Variants in PSAP observed in about 807,000 individuals in gnomAD.
The protein encoded by PSAP is prosaposin.
In PSAP, 25 loss-of-function variants were observed where a neutral mutation model predicts 66.0. The observed-to-expected ratio is 0.38, with a 90% CI of 0.28 to 0.53. The LOEUF (loss-of-function observed/expected upper bound fraction) is 0.53. Among genes scored for constraint, PSAP ranks in the 20% least tolerant of loss-of-function variants. The pLI is 0.83. For synonymous variants in PSAP, 273 were observed against 258.9 expected (o/e 1.05, Z -0.52); for missense variants, 649 against 668.8 (o/e 0.97, Z 0.33).
intron 1 of PSAP, among the ~76,000 whole-genome samples, chr10:71,849,424 T>G (rs1426941379): frequency 6.6e-6 from 1 of 152,156 alleles, no homozygotes; most frequent in Non-Finnish European, 1.5e-5. Flanking sequence ...AAACTACATA[T>G]AGTTACTAAA....
chr10:71,826,796 A>G (rs1842405735), intron 6 of PSAP, among the ~76,000 whole-genome samples: 2 of 151,770 alleles, frequency 1.3e-5, no homozygotes, highest in Admixed American at 1.3e-4. Context: ...CACTCCACCC[A>G]AAAAGCCTCG....
Position 71,833,030 on chromosome 10 carries a change from AACAAAAAAC to A in PSAP, c.175-1119_175-1111del, listed in dbSNP as rs1194685264. On this transcript the variant is annotated intron_variant, in intron 2 of 13. Coordinates refer to ENST00000394936, the MANE Select transcript of PSAP (RefSeq NM_002778.4). ...AGAGTCCATCTCAAAAAAAAAAAAA[AACAAAAAAC>A]AAAAACAGAAGGCCGGGCCATGACA... Among the ~76,000 whole-genome samples, 49 of 125,832 alleles carry A rather than the reference AACAAAAAAC, an allele frequency of 3.9e-4. 2 individuals are homozygous for A. The South Asian group carries it at 4.6e-3, about 12-fold the overall frequency. The allele number at this position is 125,832 out of a possible 152,430, so 82.6% of individuals were successfully genotyped here.
intron 10 of PSAP, 22 bp downstream of exon 10, chr10:71,819,692 C>T (rs556268822): frequency 1.2e-6 from 2 of 1,614,102 alleles, no homozygotes; most frequent in Non-Finnish European, 1.7e-6. Context: ...CCATCCTCTC[C>T]CGCACCACAC....
chr10:71,843,970 T>A (rs1842775747), intron 1 of PSAP, among the ~76,000 whole-genome samples: 2 of 152,236 alleles, frequency 1.3e-5, no homozygotes. Context: ...TTTCTGTAAA[T>A]CTAACATTAT....
At chr10:71,833,026 A>C (rs1589453439) in intron 2 of PSAP, among the ~76,000 whole-genome samples, 1 of 145,106 alleles carries the variant, frequency 6.9e-6, no homozygotes, top group Non-Finnish European at 1.5e-5. Context: ...CAAAAAAAAA[A>C]AAAAACAAAA....
At chr10:71,830,164 T>C (rs1471713569) in intron 4 of PSAP, among the ~76,000 whole-genome samples, 1 of 152,168 alleles carries the variant, frequency 6.6e-6, no homozygotes, top group African/African-American at 2.4e-5. Flanking sequence ...ATGCCCACCC[T>C]GCAGACATCT....
At chr10:71,825,249 G>C (rs1178247301) in intron 7 of PSAP, among the ~76,000 whole-genome samples, 2 of 152,192 alleles carry the variant, frequency 1.3e-5, no homozygotes, top group Non-Finnish European at 2.9e-5. Context: ...CTGCCAATCA[G>C]ATCTAAGGAG....
intron 4 of PSAP, among the ~76,000 whole-genome samples, chr10:71,829,825 C>T (rs746565481): frequency 2.6e-5 from 4 of 151,914 alleles, no homozygotes; most frequent in Non-Finnish European, 5.9e-5. Flanking sequence ...GTGGTAAAAC[C>T]CCATCTCTAC....
intron 1 of PSAP, among the ~76,000 whole-genome samples, chr10:71,837,605 G>A (rs1842650683): frequency 6.6e-6 from 1 of 152,242 alleles, no homozygotes; most frequent in Non-Finnish European, 1.5e-5. Context: ...CGCAGAGCCC[G>A]AGGCCCTCAG....
chr10:71,837,705 C>T (rs1378373984), intron 1 of PSAP, among the ~76,000 whole-genome samples: 7 of 152,208 alleles, frequency 4.6e-5, no homozygotes. Context: ...TCCCACGCAT[C>T]GGTGGGAATG....
At chr10:71,822,659 G>A (rs886798167) in intron 7 of PSAP, 2 of 472,004 alleles carry the variant, frequency 4.2e-6, no homozygotes, top group Admixed American at 4.7e-5. Flanking sequence ...TAGACATCCT[G>A]ACCATGACAC....
chr10:71,823,855 A>C, intron 7 of PSAP: 2 of 1,286,162 alleles, frequency 1.6e-6, no homozygotes, highest in Non-Finnish European at 2.0e-6. Flanking sequence ...GAAGCAGCAG[A>C]CCACTACTGC....
Position 71,820,024 on chromosome 10 carries a change from A to G in PSAP, c.1006-124T>C, listed in dbSNP as rs1344420142. 6.2e-6 allele frequency: 6 copies of G among 975,458 alleles called. No homozygotes were observed. The Admixed American group carries it at 1.2e-4, about 19-fold the overall frequency. The allele number at this position is 975,458 out of a possible 1,614,324, so 60.4% of individuals were successfully genotyped here. On this transcript the variant is annotated intron_variant, in intron 9 of 13. Transcript: ENST00000394936. ...TGGGTGCCGTTTCCACCCACAAAAA[A>G]CTACCAAACTACAAAGCAGGGCAAT... is the stretch of plus-strand genomic sequence containing the variant.
At chr10:71,832,342 C>A (rs1275330228) in intron 2 of PSAP, among the ~76,000 whole-genome samples, 1 of 152,188 alleles carries the variant, frequency 6.6e-6, no homozygotes, top group East Asian at 1.9e-4. Flanking sequence ...ACCTGCGCAT[C>A]CCCTGCCTCC....
intron 2 of PSAP, among the ~76,000 whole-genome samples, chr10:71,833,032 C>CAAA (rs1220122223): frequency 1.0e-5 from 1 of 95,362 alleles, no homozygotes; most frequent in African/African-American, 4.6e-5. Context: ...AAAAAAAAAA[C>CAAA]AAAAAACAAA....
intron 8 of PSAP, 141 bp downstream of exon 8, chr10:71,821,735 C>T: frequency 8.9e-7 from 1 of 1,128,888 alleles, no homozygotes; most frequent in Non-Finnish European, 1.3e-6. Context: ...TAGGATAAAC[C>T]AGTGATCACA....
intron 5 of PSAP, 25 bp from the exon 6 acceptor site, chr10:71,828,182 C>T: frequency 2.5e-6 from 4 of 1,613,962 alleles, no homozygotes; most frequent in Non-Finnish European, 3.4e-6. Flanking sequence ...GTTAGGTTTG[C>T]AACTTAAGAG....
rs757553906 is a variant in PSAP, at chr10:71,820,334, T to C, written c.911A>G (p.Lys304Arg). Residue 304 changes from lysine to arginine, a missense_variant and splice_region_variant, in exon 9 of 14, where the codon AAG becomes AGG. Physicochemically the swap from Lys to Arg is conservative, Grantham distance 26. Transcript: ENST00000394936. ...PALELVEPIK[K>R]HEVPAKSDVY... ...ATCAGACTTTGCTGGGACCTCGTGC[T>C]TCTGTGGAAAGAGTAGAAGGAGAGT... 9.9e-6 allele frequency: 16 copies of C among 1,613,392 alleles called. No homozygotes were observed. Among genetic ancestry groups the C allele is most frequent in the Non-Finnish European group, 1.2e-5 (14 of 1,179,304 alleles).
chr10:71,846,360 T>G (rs1282898080), intron 1 of PSAP, among the ~76,000 whole-genome samples: 1 of 151,222 alleles, frequency 6.6e-6, no homozygotes, highest in African/African-American at 2.4e-5. Context: ...AAGCAATTAG[T>G]ACTTTTGCAA....
Sources: allele counts gnomAD v4.1 joint callset (sites outside exome capture counted in the v4.1 genomes callset), GRCh38; gene constraint gnomAD v4.1.1; transcripts MANE v1.5; gene names NCBI Gene and HGNC (gene_info 2026-07-23, HGNC 2026-07-21).